Variants in COL6A3 observed in about 807,000 individuals in gnomAD.
COL6A3 encodes the protein collagen type VI alpha 3 chain.
A neutral mutation model predicts 274.1 loss-of-function variants in COL6A3; 137 were observed. The ratio of observed to expected loss-of-function variants is 0.50; its 90% CI spans 0.44 to 0.58. COL6A3 has a LOEUF of 0.58. COL6A3 is among the 20% of genes least tolerant of loss of function. The probability of loss-of-function intolerance (pLI) is 0.00; values close to 1 mark genes in which losing one functional copy is unlikely to be tolerated. For synonymous variants in COL6A3, 1,650 were observed against 1,650.6 expected (o/e 1.00, Z 0.01); for missense variants, 3,950 against 4,124.9 (o/e 0.96, Z 1.16).
rs770071011 is a variant in COL6A3, at chr2:237,405,046, A to T, written c.-30-8199T>A. 4.2e-4 allele frequency among the ~76,000 whole-genome samples: 64 copies of T among 152,124 alleles called. 1 individual carries two copies. Among genetic ancestry groups the T allele is most frequent in the South Asian group, 2.1e-4 (1 of 4,832 alleles). The stretch of plus-strand genomic sequence containing the variant: ...ATTATTTTATCCAGAATATATCCAG[A>T]TATTGAGGGAAGAGGAGGGGAGGGA... On this transcript the variant is annotated intron_variant, in intron 1 of 43. Coordinates refer to ENST00000295550, the MANE Select transcript of COL6A3 (RefSeq NM_004369.4).
At chr2:237,358,682 A>G (rs892161946) in intron 20 of COL6A3, 99 bp from the exon 21 acceptor site, 2 of 1,108,952 alleles carry the variant, frequency 1.8e-6, no homozygotes, top group Non-Finnish European at 2.7e-6. Context: ...TAACTAGAAC[A>G]ATGTTTACAA....
chr2:237,409,883 T>C (rs1217527896), intron 1 of COL6A3, among the ~76,000 whole-genome samples: 1 of 152,190 alleles, frequency 6.6e-6, no homozygotes, highest in Non-Finnish European at 1.5e-5. Flanking sequence ...TAATTAGATA[T>C]GGGTAAAATG....
intron 1 of COL6A3, among the ~76,000 whole-genome samples, chr2:237,399,190 G>A (rs1427616918): frequency 6.6e-6 from 1 of 152,154 alleles, no homozygotes; most frequent in Non-Finnish European, 1.5e-5. Context: ...AAGTTCACCA[G>A]CCTGAATTTG....
Position 237,361,131 on chromosome 2 carries a change from T to G in COL6A3, c.6200A>C (p.Glu2067Ala). ...EDGYRGYPGD[E>A]GGPGERGPPG... ...ACAATTTTTACTTACGGGTCCACCC[T>G]CATCACCAGGATAGCCTCGGTAGCC... The change falls in exon 16 of 44, where the codon GAG (glutamate) becomes GCG (alanine). Residue 2067 changes from glutamate (E) to alanine (A), a missense_variant. Coordinates refer to ENST00000295550, the MANE Select transcript of COL6A3 (RefSeq NM_004369.4). The surrounding 1 kb of genome is among the most constrained non-coding windows in gnomAD (Gnocchi z 5.1). 6.2e-7 allele frequency: 1 copy of G among 1,614,078 alleles called. No homozygotes were observed. Among genetic ancestry groups the G allele is most frequent in the Non-Finnish European group, 8.5e-7 (1 of 1,179,962 alleles).
rs1465296993 is a variant in COL6A3, at chr2:237,374,976, C to T, written c.3115G>A (p.Gly1039Ser). Residue 1039 changes from glycine (G) to serine (S), a missense_variant, in exon 8 of 44, where the codon GGC becomes AGC. This residue lies in a region of COL6A3 where 1,934 missense variants were observed against 1,984.3 expected (regional missense o/e 0.97). Transcript: ENST00000295550. The surrounding 1 kb of genome is among the most constrained non-coding windows in gnomAD (Gnocchi z 4.8). The stretch of plus-strand genomic sequence containing the variant: ...AACAGAGGGAAGCCGCTCCTGACGC[C>T]CTCAGAGCCATCAAGCAGAAACACC... ...DVVFLLDGSE[G>S]VRSGFPLLKE... The T allele has an allele frequency of 1.2e-6, 2 of 1,613,774 alleles. No homozygotes were observed. Among genetic ancestry groups the T allele is most frequent in the Non-Finnish European group, 1.7e-6 (2 of 1,180,004 alleles).
rs1169865377 is a variant in COL6A3, at chr2:237,364,788, G to T, written c.5839-360C>A. Among the ~76,000 whole-genome samples, 1 of 151,374 alleles carries T rather than the reference G, an allele frequency of 6.6e-6. No homozygotes were observed. Among genetic ancestry groups the T allele is most frequent in the Non-Finnish European group, 1.5e-5 (1 of 67,874 alleles). On this transcript the variant is annotated intron_variant, in intron 12 of 43. Coordinates refer to ENST00000295550, the MANE Select transcript of COL6A3 (RefSeq NM_004369.4). The surrounding 1 kb of genome is among the most constrained non-coding windows in gnomAD (Gnocchi z 4.6). Reference sequence around the variant, plus strand: ...TGTGGGTACATATGTGTGTGTATGGGTGCATTGTGTGTGCATGTGTGTGCA... The same window carrying T: ...TGTGGGTACATATGTGTGTGTATGGTTGCATTGTGTGTGCATGTGTGTGCA...
At position 237,400,917 on chromosome 2, in the gene COL6A3, A is replaced by G. The variant is rs376910307; in HGVS notation, c.-30-4070T>C. On this transcript the variant is annotated intron_variant, in intron 1 of 43. Coordinates refer to ENST00000295550, the MANE Select transcript of COL6A3 (RefSeq NM_004369.4). The stretch of plus-strand genomic sequence containing the variant: ...TGGAACTTATTTCTAGAATGCAAGG[A>G]TGTTTCAACGTATGAAAACCAATCA... 1.2e-4 allele frequency among the ~76,000 whole-genome samples: 19 copies of G among 152,358 alleles called. No individual in the cohort carries two copies. The Middle Eastern group carries it at 0.01, about 82-fold the overall frequency.
At chr2:237,405,872 T>C (rs929868525) in intron 1 of COL6A3, among the ~76,000 whole-genome samples, 1 of 152,088 alleles carries the variant, frequency 6.6e-6, no homozygotes, top group African/African-American at 2.4e-5. Flanking sequence ...GGCTGTCTAC[T>C]ATCATTCTTT....
At chr2:237,345,027 A>T (rs1356661551) in intron 34 of COL6A3, 31 bp downstream of exon 34, 2 of 1,614,038 alleles carry the variant, frequency 1.2e-6, no homozygotes, top group African/African-American at 1.3e-5. Flanking sequence ...AAAAATATGC[A>T]TTGTGAGACA....
chr2:237,394,726 A>G lies in COL6A3; in HGVS notation c.570T>C (p.Ser190=), dbSNP rs775635650. The change falls in exon 3 of 44, where the codon AGT becomes AGC. Residue 190 remains serine, a synonymous_variant. Coordinates refer to ENST00000295550, the MANE Select transcript of COL6A3 (RefSeq NM_004369.4). ...ADEGALKEIA[S]EPLNMHMFNL... ...TGAACATATGCATATTGAGCGGTTC[A>G]CTTGCTATTTCTTTTAACGCTCCTT... The G allele has an allele frequency of 6.2e-7, 1 of 1,614,246 alleles. No individual in the cohort carries two copies. Among genetic ancestry groups the G allele is most frequent in the Admixed American group, 1.7e-5 (1 of 60,028 alleles).
At chr2:237,383,253 C>A (rs1248630940) in intron 4 of COL6A3, among the ~76,000 whole-genome samples, 2 of 152,184 alleles carry the variant, frequency 1.3e-5, no homozygotes, top group Non-Finnish European at 2.9e-5. Context: ...GGTCTATGTT[C>A]TAAGAGAAGG....
intron 1 of COL6A3, among the ~76,000 whole-genome samples, chr2:237,400,863 C>T (rs937350339): frequency 2.0e-5 from 3 of 152,104 alleles, no homozygotes; most frequent in African/African-American, 7.2e-5. Flanking sequence ...ATCAACAGCA[C>T]ATTAAAAGGA....
At chr2:237,338,429 C>T (rs942794010) in intron 39 of COL6A3, among the ~76,000 whole-genome samples, 2 of 152,094 alleles carry the variant, frequency 1.3e-5, no homozygotes, top group Non-Finnish European at 2.9e-5. Flanking sequence ...CCCAGTTGAG[C>T]CCAAACAAAA....
chr2:237,344,242 T>G lies in COL6A3; in HGVS notation c.7668+108A>C. ...AGGCAGATGGCCTCATTGGGGACGT[T>G]TTAGGAGCTATGGGACATGAAGCCA... On this transcript the variant is annotated intron_variant, in intron 36 of 43. Transcript: ENST00000295550. This position sits in a 1 kb window ranked among gnomAD's most constrained non-coding sequence, Gnocchi z 4.8. 1 of 1,556,422 alleles carries G rather than the reference T, an allele frequency of 6.4e-7. No individual in the cohort carries two copies. The highest frequency in any genetic ancestry group is 1.1e-5 in the South Asian group (1 of 89,282).
intron 9 of COL6A3, among the ~76,000 whole-genome samples, chr2:237,369,686 G>T (rs1376214324): frequency 6.6e-6 from 1 of 152,194 alleles, no homozygotes; most frequent in Non-Finnish European, 1.5e-5. Flanking sequence ...CTCAGCCCAT[G>T]GGGGCAGGGT....
Position 237,371,959 on chromosome 2 carries a change from T to G in COL6A3, c.4058A>C (p.Asp1353Ala). Residue 1353 changes from aspartate (D) to alanine (A), a missense_variant, in exon 9 of 44, where the codon GAC (aspartate) becomes GCC (alanine). Asp to Ala is a moderately radical substitution (Grantham distance 126). Transcript: ENST00000295550. This position sits in a 1 kb window ranked among gnomAD's most constrained non-coding sequence, Gnocchi z 4.3. Reference sequence around the variant, plus strand: ...CTGCTTGAGCTCCACCGCCGGGTCGTCCACCTCATCGTCAGACTTTCCAGA... The same window carrying G: ...CTGCTTGAGCTCCACCGCCGGGTCGGCCACCTCATCGTCAGACTTTCCAGA... ...ISSGKSDDEV[D>A]DPAVELKQFG... 2 of 1,614,054 alleles carry G rather than the reference T, an allele frequency of 1.2e-6. No homozygotes were observed. The highest frequency in any genetic ancestry group is 1.7e-6 in the Non-Finnish European group (2 of 1,180,010).
intron 10 of COL6A3, 126 bp from the exon 11 acceptor site, chr2:237,367,412 C>G: frequency 8.5e-7 from 1 of 1,172,940 alleles, no homozygotes; most frequent in South Asian, 1.6e-5. Flanking sequence ...GTGAAACCTT[C>G]ACTCAAATCC....
Position 237,377,206 on chromosome 2 carries a change from T to C in COL6A3, c.2636A>G (p.Gln879Arg), listed in dbSNP as rs773831268. 6.2e-7 allele frequency: 1 copy of C among 1,613,998 alleles called. No homozygotes were observed. Among genetic ancestry groups the C allele is most frequent in the South Asian group, 1.1e-5 (1 of 91,084 alleles). The change falls in exon 7 of 44, where the codon CAG (glutamine) becomes CGG (arginine). Residue 879 changes from glutamine to arginine, a missense_variant. Around this residue, in one of 5 missense-constraint regions of COL6A3, gnomAD observed 1,934 missense variants for 1,984.3 expected, o/e 0.97. Transcript: ENST00000295550. ...CTCCACCTTGACATCATCGCTGTAC[T>C]GAGCCACCGCAATTCGGGTCCCCTC... ...KPEGTRIAVA[Q>R]YSDDVKVESR... is the part of the protein sequence containing the mutation.
chr2:237,342,421 G>T, intron 36 of COL6A3: 1 of 506,050 alleles, frequency 2.0e-6, no homozygotes, highest in South Asian at 2.2e-5. Context: ...TAAAATGGGG[G>T]GTAATACCTT....
Sources: gnomAD v4.1 joint callset for allele counts (sites outside exome capture counted in the v4.1 genomes callset) on GRCh38, gnomAD v4.1.1 for gene constraint, gnomAD v4.1.1 regional missense constraint, Gnocchi (gnomAD v3.1) non-coding constraint, MANE v1.5 for transcripts, NCBI Gene and HGNC (gene_info 2026-07-23, HGNC 2026-07-21) for gene names.